The following BRWD1 variants were observed in gnomAD, a reference collection of about 807,000 sequenced individuals.
The protein encoded by BRWD1 is bromodomain and WD repeat domain containing 1.
A neutral mutation model predicts 251.2 loss-of-function variants in BRWD1; 82 were observed. The ratio of observed to expected loss-of-function variants is 0.33; its 90% CI spans 0.27 to 0.39. The LOEUF is 0.39. BRWD1 is among the 10% of genes least tolerant of loss of function. The pLI is 1.00. For synonymous variants in BRWD1, 918 were observed against 902.8 expected (o/e 1.02, Z -0.30); for missense variants, 2,233 against 2,711.6 (o/e 0.82, Z 3.92).
At chr21:39,237,559 T>A (rs755980438) in intron 22 of BRWD1, among the ~76,000 whole-genome samples, 2 of 152,178 alleles carry the variant, frequency 1.3e-5, no homozygotes, top group Non-Finnish European at 2.9e-5. Context: ...ATGAAAATTA[T>A]AAAAGCATCT....
chr21:39,293,571 T>C (rs1006753997), intron 8 of BRWD1, among the ~76,000 whole-genome samples: 2 of 152,114 alleles, frequency 1.3e-5, no homozygotes, highest in African/African-American at 4.8e-5. Context: ...CAGTTTCTAA[T>C]TGACACTCAT....
intron 20 of BRWD1, among the ~76,000 whole-genome samples, chr21:39,249,291 AAAACCCTATGAC>A (rs2034310455): frequency 6.6e-6 from 1 of 152,218 alleles, no homozygotes; most frequent in Admixed American, 6.5e-5. Flanking sequence ...TCCATACACC[AAAACCCTATGAC>A]TCGCAATTTA....
intron 37 of BRWD1, among the ~76,000 whole-genome samples, chr21:39,205,275 C>T (rs1173580204): frequency 2.6e-5 from 4 of 151,870 alleles, no homozygotes; most frequent in Non-Finnish European, 5.9e-5. Flanking sequence ...AGTTCAAGAC[C>T]AGCGTGGGCA....
intron 13 of BRWD1, among the ~76,000 whole-genome samples, chr21:39,271,258 C>T (rs188854234): frequency 3.2e-4 from 48 of 152,252 alleles, no homozygotes; most frequent in Middle Eastern, 3.4e-3. Flanking sequence ...CACCATTGCA[C>T]TCCAGCCTGG....
intron 32 of BRWD1, 57 bp from the exon 33 acceptor site, chr21:39,213,610 A>T (rs1244652397): frequency 1.1e-5 from 13 of 1,155,090 alleles, no homozygotes; most frequent in Non-Finnish European, 1.5e-5. Context: ...GTTGGCAAGG[A>T]TTCAAATTAT....
intron 34 of BRWD1, among the ~76,000 whole-genome samples, 180 bp downstream of exon 34, chr21:39,212,486 A>T (rs8132424): frequency 0.51 from 76,999 of 151,944 alleles, 19,859 homozygotes; most frequent in African/African-American, 0.58. Flanking sequence ...TCTCACTCTG[A>T]TAATACAGTA....
Position 39,196,877 on chromosome 21 carries a change from CT to C in BRWD1, c.6191del (p.Glu2064GlyfsTer26). ...ACTCTGAAGAAAATGTCCTATCAGT[CT>C]CACTCCCTGGAATATGACTTTTTGA... is the stretch of plus-strand genomic sequence containing the variant. The part of the protein sequence containing the change: ...EDSKSHIPGS[E>X]TDRTFSSEST... On this transcript the variant is annotated frameshift_variant, in exon 41 of 41. Coordinates refer to ENST00000342449, the MANE Select transcript of BRWD1 (RefSeq NM_033656.4). LOFTEE classifies it high-confidence loss of function. The C allele has an allele frequency of 6.2e-7, 1 of 1,613,796 alleles. No homozygotes were observed. Among genetic ancestry groups the C allele is most frequent in the Non-Finnish European group, 8.5e-7 (1 of 1,179,944 alleles).
Position 39,236,642 on chromosome 21 carries a change from G to A in BRWD1, c.2719C>T (p.Pro907Ser). The change falls in exon 23 of 41, where the codon CCA becomes TCA. Residue 907 changes from proline (P) to serine (S), a missense_variant. Around this residue, in one of 12 missense-constraint regions of BRWD1, gnomAD observed 214 missense variants for 222.0 expected, o/e 0.96. Transcript: ENST00000342449. Reference sequence around the variant, plus strand: ...TTCTTTCTCTTTCGTCTTCTTTTTGGAGGAGATAAATTCTCAGTAGATATT... The same window carrying A: ...TTCTTTCTCTTTCGTCTTCTTTTTGAAGGAGATAAATTCTCAGTAGATATT... ...DEISTENLSP[P>S]KRRRKRKKEN... The A allele has an allele frequency of 6.2e-7, 1 of 1,611,202 alleles. No individual in the cohort carries two copies. Among genetic ancestry groups the A allele is most frequent in the Non-Finnish European group, 8.5e-7 (1 of 1,178,972 alleles).
chr21:39,285,752 C>G (rs2035611516), intron 8 of BRWD1, among the ~76,000 whole-genome samples: 1 of 151,418 alleles, frequency 6.6e-6, no homozygotes, highest in Non-Finnish European at 1.5e-5. Flanking sequence ...AAAACCCCAT[C>G]TCTACTCAAA....
intron 17 of BRWD1, among the ~76,000 whole-genome samples, chr21:39,263,520 C>T (rs763977376): frequency 3.3e-5 from 5 of 152,116 alleles, no homozygotes; most frequent in Non-Finnish European, 7.4e-5. Flanking sequence ...ACCCATTAGC[C>T]ACACCCAGAA....
Position 39,190,204 on chromosome 21 carries a change from C to T in BRWD1, c.*6055G>A, listed in dbSNP as rs2225425. Reference sequence around the variant, plus strand: ...AACACAATCTCTAGTTTCTACATTTCAAGGATTAATCATATTCTAATTAGA... The same window carrying T: ...AACACAATCTCTAGTTTCTACATTTTAAGGATTAATCATATTCTAATTAGA... On this transcript the variant is annotated 3_prime_UTR_variant, in exon 41 of 41. Transcript: ENST00000342449. 0.93 allele frequency: 914,686 copies of T among 983,404 alleles called. 426,178 individuals carry two copies. Among genetic ancestry groups the T allele is most frequent in the African/African-American group, 0.97 (55,453 of 57,284 alleles). 60.9% of individuals were successfully genotyped at this position (983,404 alleles called of 1,614,324 possible).
At position 39,215,330 on chromosome 21, in the gene BRWD1, T is replaced by C; in HGVS notation, c.3692A>G (p.Tyr1231Cys). 6.2e-7 allele frequency: 1 copy of C among 1,613,660 alleles called. No homozygotes were observed. Among genetic ancestry groups the C allele is most frequent in the Non-Finnish European group, 8.5e-7 (1 of 1,179,616 alleles). Residue 1231 changes from tyrosine (Y) to cysteine (C), a missense_variant, in exon 32 of 41, where the codon TAT (tyrosine) becomes TGT (cysteine). Tyr to Cys is a radical substitution (Grantham distance 194). Transcript: ENST00000342449. Reference protein sequence around the residue: ...RLSALVWEVRYIEHNARTFNE... With the variant: ...RLSALVWEVRCIEHNARTFNE... Reference sequence around the variant, plus strand: ...AAATGTTCTGGCATTATGTTCTATATATCTGACTTCCCAAACTAACGCAGA... The same window carrying C: ...AAATGTTCTGGCATTATGTTCTATACATCTGACTTCCCAAACTAACGCAGA...
At chr21:39,260,525 G>A (rs577420190) in intron 17 of BRWD1, among the ~76,000 whole-genome samples, 32 of 152,228 alleles carry the variant, frequency 2.1e-4, no homozygotes, top group African/African-American at 7.2e-4. Flanking sequence ...TAATACAATC[G>A]ATACTGAAAT....
At chr21:39,310,489 A>C (rs2036444231) in intron 4 of BRWD1, among the ~76,000 whole-genome samples, 1 of 152,144 alleles carries the variant, frequency 6.6e-6, no homozygotes, top group Non-Finnish European at 1.5e-5. Context: ...AAATACAAAA[A>C]TTAGCCAGGT....
rs1288350595 is a variant in BRWD1 at position 39,191,361 on chromosome 21, G to A, written c.*4898C>T. On this transcript the variant is annotated 3_prime_UTR_variant, in exon 41 of 41. Coordinates refer to ENST00000342449, the MANE Select transcript of BRWD1 (RefSeq NM_033656.4). ...TGGGGAACCACTTGGGACAAGTCTG[G>A]AATTAACCAGCTAGAATGTATTTGG... is the stretch of plus-strand genomic sequence containing the variant. 1.0e-6 allele frequency: 1 copy of A among 985,306 alleles called. No individual in the cohort carries two copies. The highest frequency in any genetic ancestry group is 1.2e-6 in the Non-Finnish European group (1 of 829,894). The allele number at this position is 985,306 out of a possible 1,614,324, so 61.0% of individuals were successfully genotyped here.
chr21:39,274,386 G>A lies in BRWD1; in HGVS notation c.1232C>T (p.Thr411Ile), dbSNP rs746057912. ...EWRSILLDMA[T>I]RISGDLSSEE... ...AATCTCAACTTACCCTGAGATTCTG[G>A]TAGCCATATCCAATAAAATGCTCCT... Residue 411 changes from threonine (T) to isoleucine (I), a missense_variant, in exon 13 of 41, where the codon ACC becomes ATC. Thr to Ile is a moderately conservative substitution (Grantham distance 89). Transcript: ENST00000342449. 6.2e-7 allele frequency: 1 copy of A among 1,612,660 alleles called. No homozygotes were observed. Among genetic ancestry groups the A allele is most frequent in the Non-Finnish European group, 8.5e-7 (1 of 1,179,280 alleles).
intron 31 of BRWD1, chr21:39,217,062 TATATATATATATATA>T (rs2032962120): frequency 8.9e-5 from 2 of 22,504 alleles, no homozygotes; most frequent in East Asian, 2.9e-3. Flanking sequence ...TATATATATA[TATATATATATATATA>T]TATATATTTT....
intron 7 of BRWD1, among the ~76,000 whole-genome samples, chr21:39,294,598 T>C (rs904958329): frequency 2.7e-5 from 4 of 147,814 alleles, no homozygotes; most frequent in Non-Finnish European, 5.9e-5. Flanking sequence ...GAGCTTGCAG[T>C]GAGCGGAGAT....
Position 39,191,561 on chromosome 21 carries a change from G to A in BRWD1, c.*4698C>T. 1 of 983,952 alleles carries A rather than the reference G, an allele frequency of 1.0e-6. No homozygotes were observed. The highest frequency in any genetic ancestry group is 1.2e-6 in the Non-Finnish European group (1 of 828,676). 61.0% of individuals were successfully genotyped at this position (983,952 alleles called of 1,614,324 possible). On this transcript the variant is annotated 3_prime_UTR_variant, in exon 41 of 41. Coordinates refer to ENST00000342449, the MANE Select transcript of BRWD1 (RefSeq NM_033656.4). ...CTAAAGATCTGCTTGACAGGCTCAT[G>A]TAATTTTTTGATTGGGATTTTGTAG...
Sources: allele counts gnomAD v4.1 joint callset (sites outside exome capture counted in the v4.1 genomes callset), GRCh38; gene constraint gnomAD v4.1.1; regional missense constraint gnomAD v4.1.1; transcripts MANE v1.5; gene names NCBI Gene and HGNC (gene_info 2026-07-23, HGNC 2026-07-21).